SOX18: variants seen among roughly 807,000 people sequenced by gnomAD.
SOX18 encodes the protein SRY-box transcription factor 18.
In SOX18, 2 loss-of-function variants were observed where a neutral mutation model predicts 9.1. The ratio of observed to expected loss-of-function variants is 0.22; its 90% CI spans 0.09 to 0.69. The LOEUF (loss-of-function observed/expected upper bound fraction) is 0.69. Among genes scored for constraint, SOX18 ranks in the 30% least tolerant of loss-of-function variants. SOX18 has a pLI of 0.80. For synonymous variants in SOX18, 292 were observed against 280.5 expected, an observed-to-expected ratio of 1.04 and a Z score of -0.41; for missense variants, 542 against 567.3, an observed-to-expected ratio of 0.96 and a Z score of 0.45.
chr20:64,048,073 G>A lies in SOX18; in HGVS notation c.*93C>T, dbSNP rs1394880861. ...CTGTGACATGGAACCAAACATACAC[G>A]CGTATGAGAGAGCAGAGCGGCAGCG... On this transcript the variant is annotated 3_prime_UTR_variant, in exon 2 of 2. Coordinates refer to ENST00000340356, the MANE Select transcript of SOX18 (RefSeq NM_018419.3). The A allele has an allele frequency of 1.7e-6, 2 of 1,203,436 alleles. No homozygotes were observed. The highest frequency in any genetic ancestry group is 2.4e-6 in the Non-Finnish European group (2 of 846,686). The allele number at this position is 1,203,436 out of a possible 1,614,324, so 74.5% of individuals were successfully genotyped here. A position where few individuals can be genotyped will look rare whatever the true frequency, so the allele number is the denominator to read the frequency against.
chr20:64,048,687 G>A lies in SOX18; in HGVS notation c.634C>T (p.Leu212=), dbSNP rs2059410409. 2.9e-6 allele frequency: 4 copies of A among 1,356,612 alleles called. No homozygotes were observed. Among genetic ancestry groups the A allele is most frequent in the South Asian group, 1.8e-5 (1 of 56,740 alleles). 84.0% of individuals were successfully genotyped at this position (1,356,612 alleles called of 1,614,324 possible). The change falls in exon 2 of 2, where the codon CTG becomes TTG. Residue 212 remains leucine (L), a synonymous_variant. Transcript: ENST00000340356. ...AGAGGCGAGCGCTCGGGCGTGGGCA[G>A]CCCCAGGCCGTCGAACTCGGCGCCC... ...PLGAEFDGLG[L]PTPERSPLDG...
Position 64,048,353 on chromosome 20 carries a change from T to A in SOX18, c.968A>T (p.Asp323Val). 1 of 1,586,434 alleles carries A rather than the reference T, an allele frequency of 6.3e-7. No homozygotes were observed. Among genetic ancestry groups the A allele is most frequent in the African/African-American group, 1.3e-5 (1 of 74,198 alleles). The change falls in exon 2 of 2, where the codon GAC (aspartate) becomes GTC (valine). Residue 323 changes from aspartate (D) to valine (V), a missense_variant. By Grantham distance (152) the Asp-to-Val change is radical (BLOSUM62 -3). Coordinates refer to ENST00000340356, the MANE Select transcript of SOX18 (RefSeq NM_018419.3). Reference sequence around the variant, plus strand: ...GAGGTACTGGTCGAACTCGGTGAGGTCCACGTCGGCCCACAGATCGGCGGC... The same window carrying A: ...GAGGTACTGGTCGAACTCGGTGAGGACCACGTCGGCCCACAGATCGGCGGC... Reference protein sequence around the residue: ...GPAADLWADVDLTEFDQYLNC... With the variant: ...GPAADLWADVVLTEFDQYLNC...
At chr20:64,049,093 C>A in intron 1 of SOX18, 66 bp downstream of exon 1, 2 of 951,936 alleles carry the variant, frequency 2.1e-6, no homozygotes, top group East Asian at 3.7e-5. Context: ...CCTGCCCCCC[C>A]CGCCCCACCC....
chr20:64,048,934 C>T lies in SOX18; in HGVS notation c.387G>A (p.Ala129=), dbSNP rs543183011. Residue 129 remains alanine, a synonymous_variant, in exon 2 of 2, where the codon GCG becomes GCA. Coordinates refer to ENST00000340356, the MANE Select transcript of SOX18 (RefSeq NM_018419.3). The part of the protein sequence containing the change: ...LGKAWKELNA[A]EKRPFVEEAE... ...CTTCCTCCACGAAGGGCCGCTTCTC[C>T]GCCGCGTTCAGCTCCTTCCACGCTT... 1.4e-5 allele frequency: 23 copies of T among 1,595,382 alleles called. No homozygotes were observed. In the East Asian group the frequency reaches 4.3e-4, roughly 30 times the overall value.
chr20:64,049,046 G>A, intron 1 of SOX18, 84 bp from the exon 2 acceptor site: 1 of 1,448,126 alleles, frequency 6.9e-7, no homozygotes, highest in Non-Finnish European at 9.0e-7. Context: ...GCCCCGCGAG[G>A]GTTTGGCGCA....
chr20:64,049,330 C>G lies in SOX18; in HGVS notation c.187G>C (p.Glu63Gln). The change falls in exon 1 of 2, where the codon GAG becomes CAG. Residue 63 changes from glutamate to glutamine, a missense_variant. By Grantham distance (29) the Glu-to-Gln change is conservative. Transcript: ENST00000340356. ...GGGCTGAGGCCATAGCGCCCCGGCT[C>G]GGGGCTGCGCGGGGGACTGCGCTGC... The part of the protein sequence containing the change: ...SPQRSPPRSP[E>Q]PGRYGLSPAG... 7.4e-7 allele frequency: 1 copy of G among 1,344,112 alleles called. No individual in the cohort carries two copies. Among genetic ancestry groups the G allele is most frequent in the Non-Finnish European group, 9.7e-7 (1 of 1,030,770 alleles). The allele number at this position is 1,344,112 out of a possible 1,614,324, so 83.3% of individuals were successfully genotyped here. A position where few individuals can be genotyped will look rare whatever the true frequency, so the allele number is the denominator to read the frequency against.
In SOX18 at chr20:64,048,862, C is replaced by T. The variant is rs751447878; in HGVS notation, c.459G>A (p.Lys153=). The part of the protein sequence containing the change: ...VQHLRDHPNY[K]YRPRRKKQAR... ...CCTGCTTCTTGCGGCGCGGCCGGTA[C>T]TTGTAGTTGGGGTGGTCGCGCAAGT... The change falls in exon 2 of 2, where the codon AAG becomes AAA. Residue 153 remains lysine, a synonymous_variant. Coordinates refer to ENST00000340356, the MANE Select transcript of SOX18 (RefSeq NM_018419.3). The T allele has an allele frequency of 2.5e-6, 4 of 1,591,010 alleles. No individual in the cohort carries two copies. The highest frequency in any genetic ancestry group is 1.4e-5 in the African/African-American group (1 of 73,138).
At chr20:64,049,057 G>C in intron 1 of SOX18, 95 bp from the exon 2 acceptor site, 1 of 1,376,290 alleles carries the variant, frequency 7.3e-7, no homozygotes, top group Non-Finnish European at 9.3e-7. Context: ...GTTTGGCGCA[G>C]CCCCCGCACC....
In SOX18 at chr20:64,049,377, G is replaced by A. The variant is rs1303396096; in HGVS notation, c.140C>T (p.Ala47Val). The A allele has an allele frequency of 2.0e-6, 2 of 990,838 alleles. No individual in the cohort carries two copies. Among genetic ancestry groups the A allele is most frequent in the Non-Finnish European group, 2.4e-6 (2 of 835,146 alleles). 61.4% of individuals were successfully genotyped at this position (990,838 alleles called of 1,614,324 possible). The part of the protein sequence containing the change: ...AGPAALAAPA[A>V]PASPPSPQRS... Reference sequence around the variant, plus strand: ...CTGCGGGCTGGGCGGCGAGGCGGGCGCGGCGGGCGCGGCGAGGGCGGCGGG... The same window carrying A: ...CTGCGGGCTGGGCGGCGAGGCGGGCACGGCGGGCGCGGCGAGGGCGGCGGG... The change falls in exon 1 of 2, where the codon GCG becomes GTG. Residue 47 changes from alanine (A) to valine (V), a missense_variant. Physicochemically the swap from Ala to Val is moderately conservative, Grantham distance 64 (BLOSUM62 0). Coordinates refer to ENST00000340356, the MANE Select transcript of SOX18 (RefSeq NM_018419.3).
At position 64,048,381 on chromosome 20, in the gene SOX18, G is replaced by T. The variant is rs1428588553; in HGVS notation, c.940C>A (p.Pro314Thr). ...PPLESAEPLG[P>T]AADLWADVDL... Reference sequence around the variant, plus strand: ...ACGTCGGCCCACAGATCGGCGGCGGGCCCCAGCGGCTCGGCGCTCTCCAGC... The same window carrying T: ...ACGTCGGCCCACAGATCGGCGGCGGTCCCCAGCGGCTCGGCGCTCTCCAGC... Residue 314 changes from proline to threonine, a missense_variant, in exon 2 of 2, where the codon CCC becomes ACC. By Grantham distance (38) the Pro-to-Thr change is conservative. Coordinates refer to ENST00000340356, the MANE Select transcript of SOX18 (RefSeq NM_018419.3). 71 of 1,563,578 alleles carry T rather than the reference G, an allele frequency of 4.5e-5. No individual in the cohort carries two copies. Among genetic ancestry groups the T allele is most frequent in the Non-Finnish European group, 6.0e-5 (70 of 1,158,376 alleles).
rs1325332351 is a variant in SOX18 at position 64,048,903 on chromosome 20, G to A, written c.418C>T (p.Arg140Trp). ...EKRPFVEEAE[R>W]LRVQHLRDHP... ...TCGCGCAAGTGCTGCACGCGCAGCCGTTCGGCTTCCTCCACGAAGGGCCGC... is the reference window on the plus strand; with the variant it reads ...TCGCGCAAGTGCTGCACGCGCAGCCATTCGGCTTCCTCCACGAAGGGCCGC... Residue 140 changes from arginine to tryptophan, a missense_variant, in exon 2 of 2, where the codon CGG becomes TGG. Transcript: ENST00000340356. 2 of 1,596,558 alleles carry A rather than the reference G, an allele frequency of 1.3e-6. No individual in the cohort carries two copies. Among genetic ancestry groups the A allele is most frequent in the Admixed American group, 1.7e-5 (1 of 59,534 alleles).
chr20:64,049,288 G>T lies in SOX18; in HGVS notation c.229C>A (p.Arg77Ser). Reference sequence around the variant, plus strand: ...ATGCGCGACTCGTCTGCCGCCTGGCGTTCCCCGCGGCCGGCCGGGCTGAGG... The same window carrying T: ...ATGCGCGACTCGTCTGCCGCCTGGCTTTCCCCGCGGCCGGCCGGGCTGAGG... The part of the protein sequence containing the change: ...YGLSPAGRGE[R>S]QAADESRIRR... Residue 77 changes from arginine (R) to serine (S), a missense_variant, in exon 1 of 2, where the codon CGC (arginine) becomes AGC (serine). Transcript: ENST00000340356. The T allele has an allele frequency of 6.7e-7, 1 of 1,497,688 alleles. No individual in the cohort carries two copies. Among genetic ancestry groups the T allele is most frequent in the Non-Finnish European group, 9.0e-7 (1 of 1,114,988 alleles). The allele number at this position is 1,497,688 out of a possible 1,614,324, so 92.8% of individuals were successfully genotyped here.
rs2059420531 is a variant in SOX18, at chr20:64,049,369, A to AGGCGAGCGC, written c.147_148insGCGCTCGCC (p.Ala49_Ser50insAlaLeuAla). 1 of 1,014,628 alleles carries AGGCGAGCGC rather than the reference A, an allele frequency of 9.9e-7. No homozygotes were observed. The highest frequency in any genetic ancestry group is 1.8e-5 in the African/African-American group (1 of 56,858). The allele number at this position is 1,014,628 out of a possible 1,614,324, so 62.9% of individuals were successfully genotyped here. A position where few individuals can be genotyped will look rare whatever the true frequency, so the allele number is the denominator to read the frequency against. The stretch of plus-strand genomic sequence containing the variant: ...GGACTGCGCTGCGGGCTGGGCGGCG[A>AGGCGAGCGC]GGCGGGCGCGGCGGGCGCGGCGAGG... On this transcript the variant is annotated inframe_insertion, in exon 1 of 2. Transcript: ENST00000340356.
chr20:64,049,090 C>CT, intron 1 of SOX18, 69 bp downstream of exon 1: 1 of 842,608 alleles, frequency 1.2e-6, no homozygotes, highest in Non-Finnish European at 1.6e-6. Context: ...ACCCCTGCCC[C>CT]CCCCGCCCCA....
chr20:64,049,071 C>T, intron 1 of SOX18, 88 bp downstream of exon 1: 4 of 1,256,282 alleles, frequency 3.2e-6, no homozygotes, highest in African/African-American at 1.8e-5. Flanking sequence ...CCGCACCCCG[C>T]GGCCCGGGAC....
rs1279836371 is a variant in SOX18 at position 64,049,601 on chromosome 20, G to C, written c.-85C>G. ...CACTGGGGAGCCGGGCGCAAGGGCA[G>C]GCCAGGCCGGGAGGGCGGATGGCGG... On this transcript the variant is annotated 5_prime_UTR_variant, in exon 1 of 2. Coordinates refer to ENST00000340356, the MANE Select transcript of SOX18 (RefSeq NM_018419.3). The C allele has an allele frequency of 2.3e-6, 2 of 877,816 alleles. No individual in the cohort carries two copies. Among genetic ancestry groups the C allele is most frequent in the Non-Finnish European group, 2.7e-6 (2 of 727,816 alleles). The allele number at this position is 877,816 out of a possible 1,614,324, so 54.4% of individuals were successfully genotyped here. A position where few individuals can be genotyped will look rare whatever the true frequency, so the allele number is the denominator to read the frequency against.
At position 64,048,047 on chromosome 20, in the gene SOX18, G is replaced by A. The variant is rs892602633; in HGVS notation, c.*119C>T. 5.8e-6 allele frequency: 6 copies of A among 1,033,582 alleles called. No homozygotes were observed. Among genetic ancestry groups the A allele is most frequent in the Non-Finnish European group, 8.6e-6 (6 of 693,696 alleles). The allele number at this position is 1,033,582 out of a possible 1,614,324, so 64.0% of individuals were successfully genotyped here. Reference sequence around the variant, plus strand: ...GCCGAGCATCACTGGCTCCTAGGGGGCTGTGACATGGAACCAAACATACAC... The same window carrying A: ...GCCGAGCATCACTGGCTCCTAGGGGACTGTGACATGGAACCAAACATACAC... On this transcript the variant is annotated 3_prime_UTR_variant, in exon 2 of 2. Coordinates refer to ENST00000340356, the MANE Select transcript of SOX18 (RefSeq NM_018419.3).
Position 64,048,718 on chromosome 20 carries a change from G to C in SOX18, c.603C>G (p.Pro201=), listed in dbSNP as rs1006365002. The C allele has an allele frequency of 5.1e-6, 7 of 1,373,728 alleles. No homozygotes were observed. The highest frequency in any genetic ancestry group is 3.0e-5 in the East Asian group (1 of 33,002). 85.1% of individuals were successfully genotyped at this position (1,373,728 alleles called of 1,614,324 possible). ...SGSARAFREL[P]PLGAEFDGLG... ...GGCCGTCGAACTCGGCGCCCAGCGG[G>C]GGCAGCTCGCGGAAGGCGCGAGCCG... Residue 201 remains proline (P), a synonymous_variant, in exon 2 of 2, where the codon CCC becomes CCG. Transcript: ENST00000340356.
Position 64,049,616 on chromosome 20 carries a change from G to T in SOX18, c.-100C>A. On this transcript the variant is annotated 5_prime_UTR_variant, in exon 1 of 2. Coordinates refer to ENST00000340356, the MANE Select transcript of SOX18 (RefSeq NM_018419.3). ...CGCAAGGGCAGGCCAGGCCGGGAGG[G>T]CGGATGGCGGTGGGGACGGCGGTGG... is the stretch of plus-strand genomic sequence containing the variant. 1 of 766,948 alleles carries T rather than the reference G, an allele frequency of 1.3e-6. No homozygotes were observed. The highest frequency in any genetic ancestry group is 1.6e-6 in the Non-Finnish European group (1 of 628,194). 47.5% of individuals were successfully genotyped at this position (766,948 alleles called of 1,614,324 possible).
Sources: allele counts gnomAD v4.1 joint callset, GRCh38; gene constraint gnomAD v4.1.1; transcripts MANE v1.5; gene names NCBI Gene and HGNC (gene_info 2026-07-23, HGNC 2026-07-21).